ZNF892: variants seen among roughly 807,000 people sequenced by gnomAD.
ZNF892 encodes zinc finger protein 892.
chr2:95,261,708 G>T, the ZNF892 span, among the ~76,000 whole-genome samples: 1 of 152,204 alleles, frequency 6.6e-6, no homozygotes, highest in South Asian at 2.1e-4. Flanking sequence ...CCTCTACTGT[G>T]CTGAGGTCTT....
the ZNF892 span, among the ~76,000 whole-genome samples, chr2:95,240,709 T>G: frequency 2.0e-5 from 3 of 152,300 alleles, no homozygotes; most frequent in Non-Finnish European, 1.5e-5. Context: ...ACCCACTGGT[T>G]TGGAATTCCA....
At chr2:95,237,944 T>G in the ZNF892 span, among the ~76,000 whole-genome samples, 1 of 152,224 alleles carries the variant, frequency 6.6e-6, no homozygotes, top group African/African-American at 2.4e-5. Context: ...GAAGAAAAGT[T>G]TGAAGCTACC....
the ZNF892 span, among the ~76,000 whole-genome samples, chr2:95,257,477 C>T: frequency 6.6e-6 from 1 of 152,118 alleles, no homozygotes; most frequent in African/African-American, 2.4e-5. Context: ...TCATTCTGCC[C>T]CTACTGGGGG....
the ZNF892 span, chr2:95,208,748 TTTC>T: frequency 2.0e-5 from 8 of 398,676 alleles, no homozygotes; most frequent in East Asian, 2.8e-4. Context: ...TAAGTTTAGA[TTTC>T]TTCTTTCTTT....
chr2:95,214,899 C>T, the ZNF892 span: 51 of 500,542 alleles, frequency 1.0e-4, no homozygotes, highest in Admixed American at 3.6e-4. Context: ...CTTCAGTCAC[C>T]GCTCAGCCCT....
At chr2:95,221,009 A>G in the ZNF892 span, among the ~76,000 whole-genome samples, 1 of 152,244 alleles carries the variant, frequency 6.6e-6, no homozygotes, top group African/African-American at 2.4e-5. Flanking sequence ...GACATATGAT[A>G]TCATAGAGAA....
chr2:95,209,109 C>T, the ZNF892 span, among the ~76,000 whole-genome samples: 1,277 of 152,142 alleles, frequency 8.4e-3, 20 homozygotes, highest in African/African-American at 0.03. Flanking sequence ...TTGGTCCAGA[C>T]AAGTCATGAA....
At chr2:95,251,121 C>T in the ZNF892 span, among the ~76,000 whole-genome samples, 1 of 151,860 alleles carries the variant, frequency 6.6e-6, no homozygotes, top group Non-Finnish European at 1.5e-5. Context: ...TTTTGGCAAT[C>T]ACCATTTGGT....
chr2:95,243,458 C>T, the ZNF892 span, among the ~76,000 whole-genome samples: 5 of 151,348 alleles, frequency 3.3e-5, no homozygotes, highest in South Asian at 2.1e-4. Context: ...CATCTCTGCC[C>T]GGCCGCCCAT....
At chr2:95,216,937 AT>A in the ZNF892 span, among the ~76,000 whole-genome samples, 1 of 152,020 alleles carries the variant, frequency 6.6e-6, no homozygotes, top group Admixed American at 6.6e-5. Context: ...TTTCTTGAGG[AT>A]TTTTGTCTGA....
At chr2:95,214,145 C>T in the ZNF892 span, among the ~76,000 whole-genome samples, 1 of 152,176 alleles carries the variant, frequency 6.6e-6, no homozygotes, top group Non-Finnish European at 1.5e-5. Context: ...ACTTCTTTGT[C>T]CAGTCATCTT....
the ZNF892 span, among the ~76,000 whole-genome samples, chr2:95,256,633 G>T: frequency 6.6e-6 from 1 of 152,076 alleles, no homozygotes; most frequent in Non-Finnish European, 1.5e-5. Context: ...TGCTAGACTG[G>T]GGAAGTTCTC....
the ZNF892 span, chr2:95,231,955 T>A: frequency 1.1e-4 from 16 of 152,312 alleles, no homozygotes; most frequent in African/African-American, 3.6e-4. Context: ...CTCATACTCA[T>A]TCACCAGGCT....
the ZNF892 span, among the ~76,000 whole-genome samples, chr2:95,245,058 A>T: frequency 4.6e-5 from 7 of 152,214 alleles, no homozygotes; most frequent in African/African-American, 1.7e-4. Flanking sequence ...AGGGAAATTT[A>T]TAACACTAAA....
the ZNF892 span, among the ~76,000 whole-genome samples, chr2:95,219,024 G>T: frequency 6.6e-6 from 1 of 152,000 alleles, no homozygotes; most frequent in South Asian, 2.1e-4. Context: ...TGTTTGAGAG[G>T]GAGTCTCGCT....
At chr2:95,207,272 A>C in the ZNF892 span, among the ~76,000 whole-genome samples, 1 of 152,180 alleles carries the variant, frequency 6.6e-6, no homozygotes, top group Admixed American at 6.5e-5. Context: ...ACAGTAGCGG[A>C]GATGCGAAAA....
chr2:95,225,495 T>G, the ZNF892 span, among the ~76,000 whole-genome samples: 2 of 152,208 alleles, frequency 1.3e-5, no homozygotes, highest in Non-Finnish European at 2.9e-5. Flanking sequence ...ATGGCACCAG[T>G]TGCACCCACA....
At chr2:95,230,197 A>G in the ZNF892 span, among the ~76,000 whole-genome samples, 1 of 152,096 alleles carries the variant, frequency 6.6e-6, no homozygotes, top group African/African-American at 2.4e-5. Context: ...GAATGATATA[A>G]TGGATTTTGA....
At chr2:95,241,291 G>T in the ZNF892 span, among the ~76,000 whole-genome samples, 1 of 152,216 alleles carries the variant, frequency 6.6e-6, no homozygotes, top group African/African-American at 2.4e-5. Flanking sequence ...TAAAGAGCAG[G>T]CTGCCATCTT....
Sources: gnomAD v4.1 joint callset for allele counts (sites outside exome capture counted in the v4.1 genomes callset) on GRCh38, gnomAD v4.1.1 for gene constraint, MANE v1.5 for transcripts, NCBI Gene and HGNC (gene_info 2026-07-23, HGNC 2026-07-21) for gene names.